Variants in ZNF385C observed in about 807,000 individuals in gnomAD.
ZNF385C encodes zinc finger protein 385C.
Under a neutral mutation model 35.4 loss-of-function variants are expected in ZNF385C, and 28 were observed. That is an observed-to-expected ratio of 0.79 (90% confidence interval 0.59 to 1.08). The LOEUF is 1.08. Among genes scored for constraint, ZNF385C ranks in the 50% least tolerant of loss-of-function variants. ZNF385C has a pLI of 0.00. For synonymous variants in ZNF385C, 248 were observed against 248.2 expected (o/e 1.00, Z 0.01); for missense variants, 605 against 595.6 (o/e 1.02, Z -0.16).
At chr17:42,046,854 T>C (rs1029583925) in intron 2 of ZNF385C, among the ~76,000 whole-genome samples, 32 of 151,320 alleles carry the variant, frequency 2.1e-4, no homozygotes, top group Non-Finnish European at 4.0e-4. Flanking sequence ...TTAGATGATA[T>C]TTTTTTTCCT....
chr17:42,040,458 C>A, intron 2 of ZNF385C: 2 of 1,232,184 alleles, frequency 1.6e-6, no homozygotes, highest in Non-Finnish European at 2.0e-6. Context: ...GCAGCAAGGC[C>A]AAGTCCGGCT....
chr17:42,039,494 C>T (rs541244660), intron 2 of ZNF385C: 85 of 405,712 alleles, frequency 2.1e-4, no homozygotes, highest in African/African-American at 1.6e-3. Flanking sequence ...CTCTGCCCAC[C>T]CGCCCAGGCC....
intron 5 of ZNF385C, among the ~76,000 whole-genome samples, chr17:42,031,167 T>C (rs2052720022): frequency 6.6e-6 from 1 of 151,958 alleles, no homozygotes; most frequent in Non-Finnish European, 1.5e-5. Flanking sequence ...GCCTCCTGAG[T>C]AGCTGGGACT....
At chr17:42,033,003 C>T (rs1460803020) in intron 4 of ZNF385C, among the ~76,000 whole-genome samples, 1 of 152,110 alleles carries the variant, frequency 6.6e-6, no homozygotes, top group Admixed American at 6.6e-5. Context: ...GGATTACAGG[C>T]ATGAGCCACC....
intron 1 of ZNF385C, among the ~76,000 whole-genome samples, chr17:42,091,229 G>A (rs1221820366): frequency 1.3e-5 from 2 of 152,126 alleles, no homozygotes. Context: ...TTGAGCCCAG[G>A]AGTTTGAAAC....
intron 1 of ZNF385C, among the ~76,000 whole-genome samples, chr17:42,086,881 T>G (rs191688914): frequency 0.016 from 2,368 of 148,426 alleles, 27 homozygotes; most frequent in Middle Eastern, 0.046. Context: ...CAGGCTGGAG[T>G]GCAGTGGCGT....
At chr17:42,044,414 C>T (rs1480880337) in intron 2 of ZNF385C, among the ~76,000 whole-genome samples, 6 of 151,184 alleles carry the variant, frequency 4.0e-5, no homozygotes, top group South Asian at 2.1e-4. Flanking sequence ...GTCAGGAGTC[C>T]GAGACCAGCC....
rs2052730207 is a variant in ZNF385C at position 42,031,612 on chromosome 17, G to A, written c.676+7C>T. ...AGACGTGGGAAAGAGAAGAGCTCAG[G>A]ACTGACCTTTACTCTGTGGCTCTCC... is the stretch of plus-strand genomic sequence containing the variant. On this transcript the variant is annotated splice_region_variant and intron_variant, in intron 5 of 8. Transcript: ENST00000692273. 1 of 1,549,740 alleles carries A rather than the reference G, an allele frequency of 6.5e-7. No homozygotes were observed. The highest frequency in any genetic ancestry group is 8.7e-7 in the Non-Finnish European group (1 of 1,146,262).
intron 6 of ZNF385C, 50 bp from the exon 7 acceptor site, chr17:42,028,296 G>A (rs1178059222): frequency 6.0e-6 from 9 of 1,493,648 alleles, no homozygotes; most frequent in Non-Finnish European, 7.1e-6. Flanking sequence ...GGTTGCAGGG[G>A]CCACAGAGAC....
chr17:42,085,913 T>A (rs1351203639), intron 1 of ZNF385C, among the ~76,000 whole-genome samples: 3 of 151,960 alleles, frequency 2.0e-5, no homozygotes, highest in Admixed American at 6.6e-5. Context: ...AAACATTTTT[T>A]AAAAATTAGC....
rs782789423 is a variant in ZNF385C at position 42,026,998 on chromosome 17, T to C, written c.1411A>G (p.Thr471Ala). 6.8e-6 allele frequency: 11 copies of C among 1,609,594 alleles called. No homozygotes were observed. The highest frequency in any genetic ancestry group is 9.3e-6 in the Non-Finnish European group (11 of 1,177,992). Residue 471 changes from threonine (T) to alanine (A), a missense_variant, in exon 9 of 9, where the codon ACT (threonine) becomes GCT (alanine). Thr to Ala is a moderately conservative substitution (Grantham distance 58). Transcript: ENST00000692273. ...LALRPAPTAA[T>A]TLFPAPILGP... The stretch of plus-strand genomic sequence containing the variant: ...AGGATGGGAGCCGGGAAGAGGGTAG[T>C]GGCTGCTGTAGGGGCAGGGCGGAGG...
chr17:42,067,128 C>T (rs1324276849), intron 1 of ZNF385C, among the ~76,000 whole-genome samples: 4 of 151,960 alleles, frequency 2.6e-5, no homozygotes, highest in African/African-American at 9.7e-5. Context: ...TGAAGTGGAG[C>T]AGTGTGATCA....
intron 2 of ZNF385C, chr17:42,040,882 T>C: frequency 8.1e-7 from 1 of 1,232,262 alleles, no homozygotes; most frequent in Non-Finnish European, 1.0e-6. Context: ...GGCCCGGAGC[T>C]GTGGGCCCAC....
intron 2 of ZNF385C, among the ~76,000 whole-genome samples, chr17:42,051,157 G>A (rs1403536261): frequency 6.6e-6 from 1 of 152,012 alleles, no homozygotes; most frequent in Non-Finnish European, 1.5e-5. Context: ...GGTGGGGGCA[G>A]TGCCTGATGC....
At chr17:42,027,886 A>G in intron 7 of ZNF385C, 158 bp from the exon 8 acceptor site, 1 of 1,184,050 alleles carries the variant, frequency 8.4e-7, no homozygotes, top group Non-Finnish European at 1.2e-6. Flanking sequence ...AGGGGAGGTG[A>G]GTCTTGGCCT....
chr17:42,073,956 A>AC (rs57782093), intron 1 of ZNF385C, among the ~76,000 whole-genome samples: 55,692 of 151,704 alleles, frequency 0.37, 11,632 homozygotes, highest in African/African-American at 0.56. Flanking sequence ...TTCCTGGTTC[A>AC]CCAACCACCA....
intron 4 of ZNF385C, among the ~76,000 whole-genome samples, chr17:42,032,871 A>G (rs1188531691): frequency 6.6e-6 from 1 of 150,654 alleles, no homozygotes; most frequent in African/African-American, 2.4e-5. Context: ...TGTCACCACA[A>G]CTGGCTGCTT....
rs529733933 is a variant in ZNF385C, at chr17:42,039,836, C to T, written c.251-1951G>A. 2.6e-5 allele frequency: 32 copies of T among 1,232,016 alleles called. No individual in the cohort carries two copies. In the East Asian group the frequency reaches 8.2e-4, roughly 32 times the overall value. The allele number at this position is 1,232,016 out of a possible 1,614,324, so 76.3% of individuals were successfully genotyped here. ...TTCACCATGTGGCCCCCCCGGCCTT[C>T]CCCGGCCCCACTCTGCCCCCACCAC... On this transcript the variant is annotated intron_variant, in intron 2 of 8. Transcript: ENST00000692273.
At chr17:42,039,824 C>T (rs565475548) in intron 2 of ZNF385C, 20 of 1,232,068 alleles carry the variant, frequency 1.6e-5, no homozygotes, top group African/African-American at 6.2e-5. Context: ...ACCATGTGGC[C>T]CCCCCGGCCT....
Sources: gnomAD v4.1 joint callset for allele counts (sites outside exome capture counted in the v4.1 genomes callset) on GRCh38, gnomAD v4.1.1 for gene constraint, MANE v1.5 for transcripts, NCBI Gene and HGNC (gene_info 2026-07-23, HGNC 2026-07-21) for gene names.